The following DROSHA variants were observed in gnomAD, a reference collection of about 807,000 sequenced individuals.
The protein encoded by DROSHA is drosha ribonuclease III.
Under a neutral mutation model 181.9 loss-of-function variants are expected in DROSHA, and 56 were observed. The ratio of observed to expected loss-of-function variants is 0.31; its 90% CI spans 0.25 to 0.38. The LOEUF is 0.38. DROSHA is among the 10% of genes least tolerant of loss of function. The probability of loss-of-function intolerance (pLI) is 1.00; values close to 1 mark genes in which losing one functional copy is unlikely to be tolerated. For missense variants in DROSHA, 1,218 were observed against 1,743.5 expected, an observed-to-expected ratio of 0.70 and a Z score of 5.37; for synonymous variants, 524 against 591.2, an observed-to-expected ratio of 0.89 and a Z score of 1.65.
Position 31,434,540 on chromosome 5 carries a change from C to T in DROSHA, c.3042+1225G>A, listed in dbSNP as rs3805510. 4.2e-3 allele frequency among the ~76,000 whole-genome samples: 634 copies of T among 152,276 alleles called. 13 individuals carry two copies. In the East Asian group the frequency reaches 0.05, roughly 12 times the overall value. ...GCCACTAAAACCAGTTCAAAGCCTA[C>T]CACTGTAGCTACAATGATGATGTTA... On this transcript the variant is annotated intron_variant, in intron 25 of 35. Coordinates refer to ENST00000344624, the MANE Select transcript of DROSHA (RefSeq NM_001382508.1).
At chr5:31,479,665 T>C (rs904241351) in intron 16 of DROSHA, among the ~76,000 whole-genome samples, 2 of 152,126 alleles carry the variant, frequency 1.3e-5, no homozygotes, top group Non-Finnish European at 2.9e-5. Flanking sequence ...CAAAAAGCAA[T>C]CTACAGAGAA....
At chr5:31,521,298 T>C in intron 5 of DROSHA, 83 bp from the exon 6 acceptor site, 1 of 1,455,416 alleles carries the variant, frequency 6.9e-7, no homozygotes, top group Non-Finnish European at 9.6e-7. Context: ...ATCTTGTAAA[T>C]AAATGGACCA....
intron 5 of DROSHA, among the ~76,000 whole-genome samples, chr5:31,523,442 C>T (rs1342933989): frequency 6.6e-6 from 1 of 152,178 alleles, no homozygotes; most frequent in Admixed American, 6.5e-5. Context: ...CAAACAAATA[C>T]ATAACTCCAA....
intron 15 of DROSHA, among the ~76,000 whole-genome samples, chr5:31,484,198 C>T (rs1561232939): frequency 1.3e-5 from 2 of 151,786 alleles, no homozygotes; most frequent in East Asian, 1.9e-4. Context: ...AGAGAAATCC[C>T]GTCTCTACTA....
intron 23 of DROSHA, among the ~76,000 whole-genome samples, chr5:31,445,045 A>G (rs183500869): frequency 1.1e-4 from 17 of 152,274 alleles, no homozygotes; most frequent in Middle Eastern, 3.4e-3. Context: ...AATTGCCTCG[A>G]TTTTCTGTCA....
chr5:31,455,616 C>T (rs1022551227), intron 20 of DROSHA, among the ~76,000 whole-genome samples: 13 of 151,188 alleles, frequency 8.6e-5, no homozygotes, highest in Admixed American at 1.3e-4. Context: ...AGGACCAAGT[C>T]ACTTAAACTC....
rs371431869 is a variant in DROSHA, at chr5:31,411,894, T to C, written c.3526-1007A>G. Among the ~76,000 whole-genome samples the C allele has an allele frequency of 3.9e-5, 6 of 152,370 alleles. No individual in the cohort carries two copies. The highest frequency in any genetic ancestry group is 1.4e-4 in the African/African-American group (6 of 41,592). On this transcript the variant is annotated intron_variant, in intron 30 of 35. Transcript: ENST00000344624. This position sits in a 1 kb window ranked among gnomAD's most constrained non-coding sequence, Gnocchi z 4.2. ...CACCCACCTTGACCTTTCAAAGTGT[T>C]GGGATTACAGGCGTGAGCCACTGCG...
intron 23 of DROSHA, among the ~76,000 whole-genome samples, chr5:31,444,957 T>C (rs750246937): frequency 1.4e-4 from 21 of 152,228 alleles, no homozygotes; most frequent in Non-Finnish European, 2.4e-4. Context: ...AAACCTGATA[T>C]ATGAAGGAGA....
Position 31,446,676 on chromosome 5 carries a change from T to TAAAAA in DROSHA, c.2882+1866_2882+1870dup, listed in dbSNP as rs35657251. Among the ~76,000 whole-genome samples the TAAAAA allele has an allele frequency of 3.8e-3, 480 of 127,984 alleles. 3 individuals are homozygous for TAAAAA. The highest frequency in any genetic ancestry group is 0.013 in the African/African-American group (456 of 34,232). 84.0% of individuals were successfully genotyped at this position (127,984 alleles called of 152,430 possible). A position where few individuals can be genotyped will look rare whatever the true frequency, so the allele number is the denominator to read the frequency against. ...ACATAGCAAGAGCCCTGTCTCTATT[T>TAAAAA]AAAAAAAAAAAAAAAAAAGGTTAAG... On this transcript the variant is annotated intron_variant, in intron 23 of 35. Coordinates refer to ENST00000344624, the MANE Select transcript of DROSHA (RefSeq NM_001382508.1).
intron 6 of DROSHA, among the ~76,000 whole-genome samples, chr5:31,518,140 TACA>T (rs5867083): frequency 0.31 from 47,325 of 151,842 alleles, 7,581 homozygotes; most frequent in East Asian, 0.57. Context: ...TACAAACCTG[TACA>T]ACATGTGACT....
intron 25 of DROSHA, 142 bp downstream of exon 25, chr5:31,435,623 C>G: frequency 1.4e-6 from 1 of 739,740 alleles, no homozygotes; most frequent in Non-Finnish European, 2.1e-6. Flanking sequence ...CCTTAAAACC[C>G]AACAAAAAAT....
chr5:31,451,730 A>C, intron 20 of DROSHA, 90 bp from the exon 21 acceptor site: 1 of 1,016,806 alleles, frequency 9.8e-7, no homozygotes, highest in Non-Finnish European at 1.5e-6. Flanking sequence ...CCATTTTCAC[A>C]TTCCAAATTC....
intron 6 of DROSHA, among the ~76,000 whole-genome samples, chr5:31,518,944 T>C (rs1739571581): frequency 6.6e-6 from 1 of 152,164 alleles, no homozygotes; most frequent in Admixed American, 6.5e-5. Flanking sequence ...CATCAGTTAA[T>C]ATTTTTTTTA....
chr5:31,450,509 T>A (rs1167722961), intron 21 of DROSHA, among the ~76,000 whole-genome samples: 1 of 152,160 alleles, frequency 6.6e-6, no homozygotes, highest in Admixed American at 6.5e-5. Flanking sequence ...ATAAAAAGAA[T>A]GAAATAATGT....
In DROSHA at chr5:31,410,870, C is replaced by G; in HGVS notation, c.3543G>C (p.Leu1181Phe). 6.2e-7 allele frequency: 1 copy of G among 1,613,878 alleles called. No individual in the cohort carries two copies. The highest frequency in any genetic ancestry group is 8.5e-7 in the Non-Finnish European group (1 of 1,179,782). Residue 1181 changes from leucine (L) to phenylalanine (F), a missense_variant, in exon 31 of 36, where the codon TTG becomes TTC. Physicochemically the swap from Leu to Phe is conservative, Grantham distance 22. Transcript: ENST00000344624. Reference protein sequence around the residue: ...EGHLTLLRSSLVNNRTQAKVA... With the variant: ...EGHLTLLRSSFVNNRTQAKVA... Reference sequence around the variant, plus strand: ...CCTTGGCCTGAGTTCTATTATTCACCAAAGAGCTTCGCAACAACTGCCCAA... The same window carrying G: ...CCTTGGCCTGAGTTCTATTATTCACGAAAGAGCTTCGCAACAACTGCCCAA...
At chr5:31,488,260 T>C (rs886231077) in intron 13 of DROSHA, among the ~76,000 whole-genome samples, 3 of 151,658 alleles carry the variant, frequency 2.0e-5, no homozygotes, top group South Asian at 4.2e-4. Flanking sequence ...CTACTAAAAA[T>C]ACAAAAATTA....
At chr5:31,447,593 T>A (rs571663540) in intron 23 of DROSHA, among the ~76,000 whole-genome samples, 5 of 152,060 alleles carry the variant, frequency 3.3e-5, no homozygotes, top group Non-Finnish European at 7.4e-5. Flanking sequence ...ATGAAAAAAA[T>A]TTTTGCAAAT....
intron 23 of DROSHA, among the ~76,000 whole-genome samples, chr5:31,446,018 A>C (rs977513603): frequency 6.6e-6 from 1 of 152,228 alleles, no homozygotes; most frequent in African/African-American, 2.4e-5. Flanking sequence ...AAAATAACAA[A>C]ATCCTAAGGA....
chr5:31,506,430 C>A (rs999371878), intron 10 of DROSHA, among the ~76,000 whole-genome samples: 4 of 151,156 alleles, frequency 2.6e-5, no homozygotes, highest in Admixed American at 1.3e-4. Context: ...GTAATCCCAG[C>A]ACTTTGGGAG....
Sources: allele counts gnomAD v4.1 joint callset (sites outside exome capture counted in the v4.1 genomes callset), GRCh38; gene constraint gnomAD v4.1.1; non-coding constraint Gnocchi (gnomAD v3.1); transcripts MANE v1.5; gene names NCBI Gene and HGNC (gene_info 2026-07-23, HGNC 2026-07-21).